DPP6: variants seen among roughly 807,000 people sequenced by gnomAD.
DPP6 encodes A-type potassium channel modulatory protein DPP6.
A neutral mutation model predicts 122.6 loss-of-function variants in DPP6; 69 were observed. That is an observed-to-expected ratio of 0.56 (90% CI 0.46 to 0.69). The LOEUF is 0.69. Among genes scored for constraint, DPP6 ranks in the 30% least tolerant of loss-of-function variants. The pLI is 0.00. For missense variants in DPP6, 928 were observed against 1,116.9 expected (o/e 0.83, Z 2.41); for synonymous variants, 418 against 433.1 (o/e 0.97, Z 0.43).
intron 3 of DPP6, among the ~76,000 whole-genome samples, chr7:154,499,752 C>T (rs867797248): frequency 6.6e-6 from 1 of 151,900 alleles, no homozygotes; most frequent in African/African-American, 2.4e-5. Flanking sequence ...CACCCACCAA[C>T]CCCCCCAGAT....
At chr7:154,585,377 A>G (rs1206661431) in intron 5 of DPP6, among the ~76,000 whole-genome samples, 1 of 152,256 alleles carries the variant, frequency 6.6e-6, no homozygotes, top group Non-Finnish European at 1.5e-5. Context: ...TCATTACTGC[A>G]TCCCCTCTGT....
chr7:154,623,115 T>C lies in DPP6; in HGVS notation c.628-14706T>C, dbSNP rs191065214. 5.3e-5 allele frequency among the ~76,000 whole-genome samples: 8 copies of C among 152,332 alleles called. No homozygotes were observed. The East Asian group carries it at 1.5e-3, about 29-fold the overall frequency. On this transcript the variant is annotated intron_variant, in intron 5 of 25. Transcript: ENST00000377770. ...CAGTGGGGTCCACTCTGTTATTTCC[T>C]GGCCTTTACTTGGTGAGATAAACCC...
At chr7:154,693,671 C>T (rs546993139) in intron 7 of DPP6, among the ~76,000 whole-genome samples, 1 of 152,218 alleles carries the variant, frequency 6.6e-6, no homozygotes, top group Middle Eastern at 3.4e-3. Context: ...GGGGTTCTGG[C>T]CACATCTGCC....
chr7:154,723,468 TAA>T (rs3080669), intron 7 of DPP6, among the ~76,000 whole-genome samples: 32 of 149,146 alleles, frequency 2.1e-4, no homozygotes, highest in East Asian at 9.8e-4. Context: ...CATTTATTTT[TAA>T]AAAAAAAAAA....
chr7:154,401,205 C>CAAAAAAAAAAAAAAAA (rs200237363), intron 1 of DPP6, among the ~76,000 whole-genome samples: 1 of 140,614 alleles, frequency 7.1e-6, no homozygotes, highest in African/African-American at 2.7e-5. Context: ...TCAGAAAAAA[C>CAAAAAAAAAAAAAAAA]AAAAACAAAA....
At chr7:154,874,025 C>T (rs905660249) in intron 19 of DPP6, among the ~76,000 whole-genome samples, 12 of 151,618 alleles carry the variant, frequency 7.9e-5, no homozygotes, top group South Asian at 2.1e-4. Context: ...CACACACATA[C>T]GTGTGCATAC....
intron 1 of DPP6, among the ~76,000 whole-genome samples, chr7:154,355,095 C>A (rs1176552585): frequency 1.3e-5 from 2 of 152,176 alleles, no homozygotes; most frequent in Admixed American, 1.3e-4. Flanking sequence ...ATTTCCATTT[C>A]TTAGGTGACT....
chr7:154,275,572 T>C (rs1475201300), intron 1 of DPP6, among the ~76,000 whole-genome samples: 1 of 152,186 alleles, frequency 6.6e-6, no homozygotes, highest in African/African-American at 2.4e-5. Context: ...TTCCAAATGA[T>C]TTCAGACCAG....
Position 154,058,074 on chromosome 7 carries a change from T to G in DPP6, c.243+5011T>G, listed in dbSNP as rs535549473. On this transcript the variant is annotated intron_variant, in intron 1 of 25. Transcript: ENST00000377770. ...CCCCCCTGACTCTTGGGACTCCCAT[T>G]GCGGGTGGAGGGAGGCATCCCCCAT... 2 of 134,788 alleles carry G rather than the reference T, an allele frequency of 1.5e-5. 1 individual carries two copies. Among genetic ancestry groups the G allele is most frequent in the South Asian group, 5.0e-4 (2 of 4,030 alleles). The allele number at this position is 134,788 out of a possible 1,614,324, so 8.3% of individuals were successfully genotyped here. A position where few individuals can be genotyped will look rare whatever the true frequency, so the allele number is the denominator to read the frequency against.
intron 14 of DPP6, among the ~76,000 whole-genome samples, chr7:154,804,645 C>G (rs1326326692): frequency 6.6e-6 from 1 of 152,210 alleles, no homozygotes; most frequent in East Asian, 1.9e-4. Flanking sequence ...GTGTGTGTCA[C>G]CCCCAACCAC....
the DPP6 span, among the ~76,000 whole-genome samples, chr7:153,784,692 G>A: frequency 6.6e-6 from 1 of 152,140 alleles, no homozygotes; most frequent in African/African-American, 2.4e-5. Flanking sequence ...TATGCTGTAG[G>A]AGTCTGAAAA....
In DPP6 at chr7:154,481,344, G is replaced by T. The variant is rs868164729; in HGVS notation, c.457+6307G>T. Among the ~76,000 whole-genome samples, 5,379 of 30,762 alleles carry T rather than the reference G, an allele frequency of 0.17. 266 individuals are homozygous for T. The highest frequency in any genetic ancestry group is 0.29 in the African/African-American group (4,528 of 15,492). The allele number at this position is 30,762 out of a possible 152,430, so 20.2% of individuals were successfully genotyped here. A position where few individuals can be genotyped will look rare whatever the true frequency, so the allele number is the denominator to read the frequency against. On this transcript the variant is annotated intron_variant, in intron 3 of 25. Transcript: ENST00000377770. This position sits in a 1 kb window ranked among gnomAD's most constrained non-coding sequence, Gnocchi z 4.2. The stretch of plus-strand genomic sequence containing the variant: ...CTATACACTTGGAGAGAGAGAGAGA[G>T]GGGTGTGTGTGTGTGTGTGTGTGTG...
At chr7:153,974,542 G>A (rs974288979) in intron 1 of DPP6, among the ~76,000 whole-genome samples, 21 of 152,072 alleles carry the variant, frequency 1.4e-4, no homozygotes, top group African/African-American at 4.6e-4. Flanking sequence ...GAGGGGAACA[G>A]AAAAAGTCAA....
In DPP6 at chr7:154,023,322, A is replaced by G. The variant is rs73729259; in HGVS notation, c.51+135588A>G. The stretch of plus-strand genomic sequence containing the variant: ...CTCTGGAAATGTTTCTTGTCTGCAC[A>G]CACACACACACACACACACACACAC... On this transcript the variant is annotated intron_variant, in intron 1 of 25. Coordinates refer to the DPP6 transcript ENST00000404039. Among the ~76,000 whole-genome samples, 566 of 89,474 alleles carry G rather than the reference A, an allele frequency of 6.3e-3. 8 individuals are homozygous for G. Among genetic ancestry groups the G allele is most frequent in the African/African-American group, 0.028 (384 of 13,540 alleles). The allele number at this position is 89,474 out of a possible 152,430, so 58.7% of individuals were successfully genotyped here.
Position 154,561,472 on chromosome 7 carries a change from T to C in DPP6, c.553-5370T>C, listed in dbSNP as rs141435125. 2.5e-3 allele frequency among the ~76,000 whole-genome samples: 386 copies of C among 152,246 alleles called. 3 individuals carry two copies. The highest frequency in any genetic ancestry group is 1.9e-3 in the Non-Finnish European group (128 of 68,020). ...TGGAATGTATCTTGATAATTGGAAA[T>C]TGAACAACATATTTCTAAATAACAA... is the stretch of plus-strand genomic sequence containing the variant. On this transcript the variant is annotated intron_variant, in intron 4 of 25. Transcript: ENST00000377770.
At chr7:153,781,502 C>T in the DPP6 span, among the ~76,000 whole-genome samples, 3 of 152,202 alleles carry the variant, frequency 2.0e-5, no homozygotes, top group Admixed American at 2.0e-4. Context: ...AACAGGCACA[C>T]TACTTACACT....
the DPP6 span, among the ~76,000 whole-genome samples, chr7:153,838,405 C>G: frequency 6.6e-6 from 1 of 152,160 alleles, no homozygotes; most frequent in Non-Finnish European, 1.5e-5. Flanking sequence ...TTTCTTCACC[C>G]TGATGTTGAA....
intron 1 of DPP6, among the ~76,000 whole-genome samples, chr7:154,285,080 A>G (rs1804765150): frequency 6.6e-6 from 1 of 152,180 alleles, no homozygotes; most frequent in Admixed American, 6.5e-5. Context: ...TTGAATATAG[A>G]TGTTGGCAAT....
intron 3 of DPP6, among the ~76,000 whole-genome samples, chr7:154,488,835 A>T (rs1824026171): frequency 6.6e-6 from 1 of 152,058 alleles, no homozygotes; most frequent in African/African-American, 2.4e-5. Context: ...TTTTCCACCT[A>T]AATCCCCGTC....
Sources: gnomAD v4.1 joint callset for allele counts (sites outside exome capture counted in the v4.1 genomes callset) on GRCh38, gnomAD v4.1.1 for gene constraint, Gnocchi (gnomAD v3.1) non-coding constraint, MANE v1.5 for transcripts, NCBI Gene and HGNC (gene_info 2026-07-23, HGNC 2026-07-21) for gene names.